The following DMD variants were observed in gnomAD, a reference collection of about 807,000 sequenced individuals.
The protein encoded by DMD is mutant dystrophin.
A neutral mutation model predicts 330.1 loss-of-function variants in DMD; 63 were observed. The observed-to-expected ratio is 0.19, with a 90% CI of 0.16 to 0.24. The LOEUF is 0.24. DMD is among the 10% of genes least tolerant of loss of function. DMD has a pLI of 1.00. For missense variants in DMD, 3,344 were observed against 2,684.1 expected (o/e 1.25, Z -5.43); for synonymous variants, 1,223 against 959.8 (o/e 1.27, Z -5.07).
chrX:32,084,342 C>T (rs541909512), intron 44 of DMD, among the ~76,000 whole-genome samples: 1 of 110,945 alleles, frequency 9.0e-6, no homozygotes, highest in East Asian at 2.9e-4. Context: ...TTCCTGAGGC[C>T]GTGTGACCTG....
chrX:31,469,741 C>T (rs2067155665), intron 59 of DMD, among the ~76,000 whole-genome samples: 1 of 111,843 alleles, frequency 8.9e-6, no homozygotes, highest in Non-Finnish European at 1.9e-5. Flanking sequence ...GGAAGTTCTC[C>T]TGGATAATAA....
chrX:32,382,043 G>A (rs2097928093), intron 33 of DMD, among the ~76,000 whole-genome samples: 1 of 111,068 alleles, frequency 9.0e-6, no homozygotes, highest in Admixed American at 9.7e-5. Context: ...CAGTTTGAGA[G>A]AGCATGACAT....
At chrX:32,817,494 G>A (rs926961657) in intron 5 of DMD, among the ~76,000 whole-genome samples, 1 of 111,712 alleles carries the variant, frequency 9.0e-6, no homozygotes, top group Non-Finnish European at 1.9e-5. Context: ...ATGCAGTGAC[G>A]CTTCATAGAA....
intron 60 of DMD, among the ~76,000 whole-genome samples, chrX:31,379,922 G>A (rs2060076269): frequency 1.8e-5 from 2 of 111,460 alleles, no homozygotes; most frequent in Admixed American, 9.5e-5. Context: ...TGGAACTCTG[G>A]CCCAAGGCTC....
intron 1 of DMD, among the ~76,000 whole-genome samples, chrX:33,257,464 G>A (rs1440102987): frequency 9.0e-6 from 1 of 110,947 alleles, no homozygotes; most frequent in East Asian, 2.8e-4. Flanking sequence ...TGACAGAAAC[G>A]CTCTTTCAAT....
rs748163863 is a variant in DMD at position 31,621,405 on chromosome X, T to G, written c.8217+6268A>C. Reference sequence around the variant, plus strand: ...CTCATATCTTTCCAATTCATTCTCCTAACCACTACCAGAATGATCTTTTAA... The same window carrying G: ...CTCATATCTTTCCAATTCATTCTCCGAACCACTACCAGAATGATCTTTTAA... On this transcript the variant is annotated intron_variant, in intron 55 of 78. Coordinates refer to ENST00000357033, the MANE Select transcript of DMD (RefSeq NM_004006.3). Among the ~76,000 whole-genome samples, 120 of 111,746 alleles carry G rather than the reference T, an allele frequency of 1.1e-3. 2 individuals carry two copies. The highest frequency in any genetic ancestry group is 3.9e-4 in the Non-Finnish European group (21 of 53,219).
intron 2 of DMD, among the ~76,000 whole-genome samples, chrX:32,904,933 G>A (rs939478661): frequency 4.5e-5 from 5 of 111,684 alleles, no homozygotes; most frequent in African/African-American, 1.3e-4. Flanking sequence ...TGCTTGTCTC[G>A]TTGCTCAAAA....
At chrX:31,683,735 G>C (rs2082517483) in intron 52 of DMD, among the ~76,000 whole-genome samples, 1 of 112,045 alleles carries the variant, frequency 8.9e-6, no homozygotes, top group Admixed American at 9.5e-5. Flanking sequence ...TATCAAGAAA[G>C]TGTACTTTTA....
At chrX:33,227,559 C>T (rs950474572) in intron 1 of DMD, among the ~76,000 whole-genome samples, 8 of 111,015 alleles carry the variant, frequency 7.2e-5, no homozygotes, top group African/African-American at 2.3e-4. Context: ...AAGTTCTGCA[C>T]ATATTTTTGA....
intron 63 of DMD, among the ~76,000 whole-genome samples, chrX:31,239,264 C>T (rs964962785): frequency 6.2e-5 from 7 of 112,123 alleles, no homozygotes; most frequent in Non-Finnish European, 9.4e-5. Flanking sequence ...TTAATGGTTA[C>T]TGGGCAACCA....
chrX:31,214,320 A>G (rs1007685091), intron 64 of DMD, among the ~76,000 whole-genome samples: 8 of 112,283 alleles, frequency 7.1e-5, no homozygotes, highest in Middle Eastern at 4.7e-3. Context: ...GGCTGGTAAT[A>G]TTCCAAAATA....
chrX:32,715,103 C>T lies in DMD; in HGVS notation c.650-15810G>A, dbSNP rs1183619278. ...ACTTTGACCTACATCTCCCCATTTC[C>T]TCCTTCCACCCCCAACCTGGTAACC... On this transcript the variant is annotated intron_variant, in intron 7 of 78. Coordinates refer to ENST00000357033, the MANE Select transcript of DMD (RefSeq NM_004006.3). Among the ~76,000 whole-genome samples, 3 of 111,427 alleles carry T rather than the reference C, an allele frequency of 2.7e-5. No individual in the cohort carries two copies. In the South Asian group the frequency reaches 1.1e-3, roughly 42 times the overall value.
chrX:32,816,362 T>G, intron 6 of DMD, 106 bp downstream of exon 6: 1 of 853,454 alleles, frequency 1.2e-6, no homozygotes, highest in Non-Finnish European at 1.7e-6. Context: ...GTACATAACA[T>G]GTTGTAAAGT....
chrX:32,905,948 T>C (rs955345828), intron 2 of DMD, among the ~76,000 whole-genome samples: 1 of 111,891 alleles, frequency 8.9e-6, no homozygotes, highest in Non-Finnish European at 1.9e-5. Context: ...CACTGAATAA[T>C]TTAATACATA....
chrX:31,724,026 A>G (rs757234719), intron 52 of DMD, among the ~76,000 whole-genome samples: 1 of 112,412 alleles, frequency 8.9e-6, no homozygotes, highest in Non-Finnish European at 1.9e-5. Flanking sequence ...GATATTAGAT[A>G]GCACAGAGTA....
intron 21 of DMD, among the ~76,000 whole-genome samples, chrX:32,478,615 A>C (rs2041492721): frequency 8.9e-6 from 1 of 111,945 alleles, no homozygotes; most frequent in African/African-American, 3.2e-5. Flanking sequence ...GTCAATATAT[A>C]AGTTGTTTCC....
At chrX:32,946,105 T>C (rs1464634700) in intron 2 of DMD, among the ~76,000 whole-genome samples, 1 of 111,793 alleles carries the variant, frequency 8.9e-6, no homozygotes, top group Non-Finnish European at 1.9e-5. Context: ...TTTCTCAATA[T>C]AGTATTTTTG....
intron 49 of DMD, among the ~76,000 whole-genome samples, chrX:31,831,136 A>G (rs2149468833): frequency 8.9e-6 from 1 of 112,143 alleles, no homozygotes; most frequent in Non-Finnish European, 1.9e-5. Flanking sequence ...TTGCTGCAAT[A>G]AGGTAAATAT....
At chrX:31,197,410 T>A (rs953491025) in intron 67 of DMD, among the ~76,000 whole-genome samples, 3 of 110,389 alleles carry the variant, frequency 2.7e-5, no homozygotes, top group Non-Finnish European at 5.7e-5. Flanking sequence ...TATTTCAAAA[T>A]AACTAAAAGA....
Sources: allele counts gnomAD v4.1 joint callset (sites outside exome capture counted in the v4.1 genomes callset), GRCh38; gene constraint gnomAD v4.1.1; transcripts MANE v1.5; gene names NCBI Gene and HGNC (gene_info 2026-07-23, HGNC 2026-07-21).